The following BTRC variants were observed in gnomAD, a reference collection of about 807,000 sequenced individuals.
BTRC encodes beta-transducin repeat containing E3 ubiquitin protein ligase, also known as F-box/WD repeat-containing protein 1A.
A neutral mutation model predicts 85.5 loss-of-function variants in BTRC; 42 were observed. The observed-to-expected ratio is 0.49, with a 90% CI of 0.38 to 0.64. The LOEUF is 0.64. Ranked by LOEUF, BTRC falls within the 30% of genes least tolerant of loss-of-function variation. The pLI, the probability that BTRC is intolerant of heterozygous loss-of-function variation, is 0.00. For synonymous variants in BTRC, 255 were observed against 263.3 expected, an observed-to-expected ratio of 0.97 and a Z score of 0.30; for missense variants, 594 against 743.5, an observed-to-expected ratio of 0.80 and a Z score of 2.34.
chr10:101,427,692 C>G (rs1373172548), intron 1 of BTRC, among the ~76,000 whole-genome samples: 1 of 151,730 alleles, frequency 6.6e-6, no homozygotes, highest in Non-Finnish European at 1.5e-5. Context: ...CCATGCCCAG[C>G]TATTTTTTAA....
intron 2 of BTRC, among the ~76,000 whole-genome samples, chr10:101,445,327 G>GA (rs1040680745): frequency 6.6e-5 from 10 of 152,050 alleles, no homozygotes; most frequent in African/African-American, 2.4e-4. Context: ...AAGAAGATTA[G>GA]AAAAAAAATT....
chr10:101,549,738 A>AAAAAAAAAAAAAAATT, intron 13 of BTRC, among the ~76,000 whole-genome samples: 2 of 145,336 alleles, frequency 1.4e-5, no homozygotes, highest in East Asian at 2.0e-4. Context: ...AAAAAAAAAG[A>AAAAAAAAAAAAAAATT]TGATGATGAT....
Position 101,556,661 on chromosome 10 carries a change from A to G in BTRC, c.*3538A>G, listed in dbSNP as rs943341451. 3.9e-5 allele frequency: 6 copies of G among 152,262 alleles called. No homozygotes were observed. The highest frequency in any genetic ancestry group is 6.5e-5 in the Admixed American group (1 of 15,286). The allele number at this position is 152,262 out of a possible 1,614,324, so 9.4% of individuals were successfully genotyped here. On this transcript the variant is annotated 3_prime_UTR_variant, in exon 15 of 15. Transcript: ENST00000370187. Reference sequence around the variant, plus strand: ...TAAAACAGTTTCGCTTCTTTAGCTCATCTGTGGTGTCAGAATCCTTGGAGC... The same window carrying G: ...TAAAACAGTTTCGCTTCTTTAGCTCGTCTGTGGTGTCAGAATCCTTGGAGC...
At position 101,553,633 on chromosome 10, in the gene BTRC, C is replaced by T. The variant is rs915242936; in HGVS notation, c.*510C>T. ...ACTGCAGGAATGCCAAGCACCTGGC[C>T]AGAGCAGCCCAGCCCCAATATGCTT... On this transcript the variant is annotated 3_prime_UTR_variant, in exon 15 of 15. Transcript: ENST00000370187. The T allele has an allele frequency of 6.5e-6, 1 of 152,716 alleles. No homozygotes were observed. Among genetic ancestry groups the T allele is most frequent in the African/African-American group, 2.4e-5 (1 of 41,418 alleles). The allele number at this position is 152,716 out of a possible 1,614,324, so 9.5% of individuals were successfully genotyped here.
chr10:101,383,696 A>G (rs1942996110), intron 1 of BTRC, among the ~76,000 whole-genome samples: 1 of 152,146 alleles, frequency 6.6e-6, no homozygotes, highest in African/African-American at 2.4e-5. Flanking sequence ...TGCTTTCTTT[A>G]ATAGATATGA....
intron 8 of BTRC, 63 bp from the exon 9 acceptor site, chr10:101,532,889 C>T (rs2134416119): frequency 1.5e-6 from 2 of 1,300,194 alleles, no homozygotes; most frequent in East Asian, 2.3e-5. Flanking sequence ...CGTAATAGGA[C>T]CAACAAGTCT....
chr10:101,540,539 C>G (rs1164477161), intron 13 of BTRC, among the ~76,000 whole-genome samples: 13 of 152,304 alleles, frequency 8.5e-5, no homozygotes, highest in Non-Finnish European at 1.5e-5. Flanking sequence ...CTCTTGAAGT[C>G]AAGTAATGTG....
chr10:101,354,126 C>G, upstream of BTRC: 1 of 1,543,820 alleles, frequency 6.5e-7, no homozygotes, highest in Non-Finnish European at 8.7e-7. Flanking sequence ...TTGGCTGCGG[C>G]CTGGCACCAA....
chr10:101,368,591 C>T (rs1942543594), intron 1 of BTRC, among the ~76,000 whole-genome samples: 1 of 146,040 alleles, frequency 6.8e-6, no homozygotes. Flanking sequence ...GCTGTCTTCC[C>T]ATTTTAGCCT....
chr10:101,385,284 G>A (rs944745240), intron 1 of BTRC, among the ~76,000 whole-genome samples: 3 of 150,094 alleles, frequency 2.0e-5, no homozygotes, highest in Non-Finnish European at 4.4e-5. Flanking sequence ...GGAGAATGGC[G>A]TGAACCCGGG....
intron 2 of BTRC, among the ~76,000 whole-genome samples, chr10:101,445,595 C>T (rs1011317515): frequency 1.3e-5 from 2 of 152,180 alleles, no homozygotes; most frequent in African/African-American, 4.8e-5. Context: ...CGACTATTAT[C>T]GGTCTGTCTA....
At position 101,532,946 on chromosome 10, in the gene BTRC, T is replaced by C; in HGVS notation, c.979-6T>C. On this transcript the variant is annotated splice_region_variant and splice_polypyrimidine_tract_variant and intron_variant, in intron 8 of 14. Coordinates refer to ENST00000370187, the MANE Select transcript of BTRC (RefSeq NM_033637.4). ...TTGATCAAAAGGATCTTATTTGCCA[T>C]CCTAGATCTGGGATAAAAACACATT... 6.2e-7 allele frequency: 1 copy of C among 1,600,140 alleles called. No homozygotes were observed. The highest frequency in any genetic ancestry group is 8.6e-7 in the Non-Finnish European group (1 of 1,167,596).
intron 1 of BTRC, among the ~76,000 whole-genome samples, chr10:101,392,767 A>T (rs966350170): frequency 6.6e-6 from 1 of 152,072 alleles, no homozygotes; most frequent in East Asian, 1.9e-4. Flanking sequence ...CAGGCGATCC[A>T]CCTGCCTCGG....
In BTRC at chr10:101,521,685, G is replaced by A. The variant is rs1307218199; in HGVS notation, c.371G>A (p.Arg124Gln). Reference protein sequence around the residue: ...GTSSMIVPKQRKLSASYEKEK... With the variant: ...GTSSMIVPKQQKLSASYEKEK... ...TCCAGTATGATTGTGCCCAAGCAAC[G>A]GAAACTCTCAGCAAGCTATGAAAAG... is the stretch of plus-strand genomic sequence containing the variant. The change falls in exon 5 of 15, where the codon CGG becomes CAG. Residue 124 changes from arginine (R) to glutamine (Q), a missense_variant. Arg to Gln is a conservative substitution (Grantham distance 43). Around this residue, in one of 4 missense-constraint regions of BTRC, gnomAD observed 163 missense variants for 180.5 expected, o/e 0.90. Coordinates refer to ENST00000370187, the MANE Select transcript of BTRC (RefSeq NM_033637.4). 3.7e-6 allele frequency: 6 copies of A among 1,614,006 alleles called. No individual in the cohort carries two copies. The highest frequency in any genetic ancestry group is 3.3e-5 in the Admixed American group (2 of 59,994).
chr10:101,516,338 G>A (rs1386668445), intron 4 of BTRC, among the ~76,000 whole-genome samples: 5 of 152,128 alleles, frequency 3.3e-5, no homozygotes, highest in Admixed American at 1.3e-4. Context: ...GACTCAGAAG[G>A]ATCAAGTTAT....
At chr10:101,484,455 T>TC (rs1945928905) in intron 4 of BTRC, among the ~76,000 whole-genome samples, 1 of 152,232 alleles carries the variant, frequency 6.6e-6, no homozygotes, top group Non-Finnish European at 1.5e-5. Flanking sequence ...TCACTTTTTT[T>TC]CCATGCTACT....
intron 2 of BTRC, among the ~76,000 whole-genome samples, chr10:101,456,602 A>G (rs770469762): frequency 7.2e-5 from 11 of 152,134 alleles, no homozygotes; most frequent in Non-Finnish European, 1.5e-4. Context: ...TTATTCGCCC[A>G]GTTTGGTTGT....
At chr10:101,402,119 A>G (rs1007262153) in intron 1 of BTRC, among the ~76,000 whole-genome samples, 4 of 152,154 alleles carry the variant, frequency 2.6e-5, no homozygotes, top group African/African-American at 9.6e-5. Flanking sequence ...ATAATTAGGA[A>G]GGCCTTTTTA....
intron 3 of BTRC, among the ~76,000 whole-genome samples, chr10:101,477,233 T>G (rs1419172753): frequency 6.6e-6 from 1 of 152,130 alleles, no homozygotes; most frequent in African/African-American, 2.4e-5. Context: ...ACTTCTGATC[T>G]CAAGTGATCC....
Sources: gnomAD v4.1 joint callset for allele counts (sites outside exome capture counted in the v4.1 genomes callset) on GRCh38, gnomAD v4.1.1 for gene constraint, gnomAD v4.1.1 regional missense constraint, MANE v1.5 for transcripts, NCBI Gene and HGNC (gene_info 2026-07-23, HGNC 2026-07-21) for gene names.